NBAS: variants seen among roughly 807,000 people sequenced by gnomAD.
NBAS encodes the protein NBAS subunit of NRZ tethering complex, also known as NAG/BC035112 fusion.
NBAS carries 219 observed loss-of-function variants against 302.5 expected under a neutral mutation model. The observed-to-expected ratio is 0.72, with a 90% CI of 0.65 to 0.81. NBAS has a LOEUF of 0.81. Among genes scored for constraint, NBAS ranks in the 30% least tolerant of loss-of-function variants. The pLI is 0.00. For missense variants in NBAS, 2,932 were observed against 2,841.6 expected (o/e 1.03, Z -0.72); for synonymous variants, 1,118 against 1,021.6 (o/e 1.09, Z -1.80).
At chr2:14,818,166 G>C in the NBAS span, among the ~76,000 whole-genome samples, 1 of 152,002 alleles carries the variant, frequency 6.6e-6, no homozygotes, top group Non-Finnish European at 1.5e-5. Flanking sequence ...CCAGCACCAT[G>C]GAACCATGGT....
At chr2:14,827,015 C>A in the NBAS span, among the ~76,000 whole-genome samples, 3 of 152,140 alleles carry the variant, frequency 2.0e-5, no homozygotes, top group African/African-American at 7.2e-5. Flanking sequence ...CACATTGCAC[C>A]CAGAAGCAGG....
chr2:15,498,929 CTTTT>C (rs374067971), intron 11 of NBAS, among the ~76,000 whole-genome samples: 11 of 133,488 alleles, frequency 8.2e-5, no homozygotes, highest in Non-Finnish European at 1.1e-4. Context: ...CAGGGAGTTA[CTTTT>C]TTTTTTTTTT....
At chr2:14,831,378 A>G in the NBAS span, among the ~76,000 whole-genome samples, 2 of 152,198 alleles carry the variant, frequency 1.3e-5, no homozygotes, top group African/African-American at 2.4e-5. Context: ...AAAAAAGTAG[A>G]ATCCAGAAAA....
chr2:15,145,286 C>T, the NBAS span, among the ~76,000 whole-genome samples: 17 of 151,974 alleles, frequency 1.1e-4, no homozygotes, highest in African/African-American at 4.1e-4. Context: ...CTTGCTTTAA[C>T]TATTTTCCTC....
At chr2:14,916,280 T>A in the NBAS span, among the ~76,000 whole-genome samples, 3 of 152,084 alleles carry the variant, frequency 2.0e-5, no homozygotes, top group Non-Finnish European at 4.4e-5. Context: ...AAGCTTCAAT[T>A]AGAAGATCCC....
At chr2:15,405,918 A>G (rs1676385454) in intron 25 of NBAS, among the ~76,000 whole-genome samples, 2 of 152,120 alleles carry the variant, frequency 1.3e-5, no homozygotes, top group African/African-American at 4.8e-5. Flanking sequence ...ATTTAAGAAT[A>G]CATAAACTAA....
the NBAS span, among the ~76,000 whole-genome samples, chr2:14,950,957 C>T: frequency 6.6e-6 from 1 of 152,106 alleles, no homozygotes; most frequent in Non-Finnish European, 1.5e-5. Flanking sequence ...TCCATAAAGT[C>T]CCTGAGGGCT....
intron 44 of NBAS, among the ~76,000 whole-genome samples, chr2:15,272,104 C>T (rs1669351655): frequency 6.6e-6 from 1 of 152,166 alleles, no homozygotes; most frequent in South Asian, 2.1e-4. Flanking sequence ...AATGGAATGA[C>T]TGTTACCATG....
chr2:15,347,218 CAT>C (rs1327646642), intron 35 of NBAS, among the ~76,000 whole-genome samples: 4 of 152,176 alleles, frequency 2.6e-5, no homozygotes, highest in Non-Finnish European at 5.9e-5. Context: ...AAATGTAAAA[CAT>C]GTGCAGACAC....
intron 28 of NBAS, among the ~76,000 whole-genome samples, chr2:15,387,351 T>C (rs1049258050): frequency 5.9e-5 from 9 of 151,812 alleles, no homozygotes; most frequent in Non-Finnish European, 1.0e-4. Flanking sequence ...ACAGGCGTAA[T>C]GAATGTATGA....
At chr2:15,138,736 A>G in the NBAS span, among the ~76,000 whole-genome samples, 1 of 152,180 alleles carries the variant, frequency 6.6e-6, no homozygotes, top group Non-Finnish European at 1.5e-5. Flanking sequence ...TGCTCATTTC[A>G]TGGCTAATTT....
chr2:15,549,731 A>T (rs919064850), intron 6 of NBAS, among the ~76,000 whole-genome samples: 6 of 152,108 alleles, frequency 3.9e-5, no homozygotes, highest in Admixed American at 1.3e-4. Flanking sequence ...CTGTCTCAAA[A>T]AAATAAATAA....
intron 35 of NBAS, among the ~76,000 whole-genome samples, chr2:15,341,827 A>C (rs1672866987): frequency 6.6e-6 from 1 of 152,194 alleles, no homozygotes; most frequent in South Asian, 2.1e-4. Flanking sequence ...AAGCATGACA[A>C]TGAGCAAAGT....
the NBAS span, among the ~76,000 whole-genome samples, chr2:14,994,511 G>T: frequency 1.3e-5 from 2 of 152,096 alleles, no homozygotes; most frequent in African/African-American, 4.8e-5. Context: ...TAGGATATAT[G>T]GGATTCCAGA....
the NBAS span, among the ~76,000 whole-genome samples, chr2:14,900,989 C>G: frequency 7.9e-5 from 12 of 152,256 alleles, no homozygotes; most frequent in East Asian, 2.1e-3. Flanking sequence ...ACTTGAGGTC[C>G]ACAAGATAGG....
chr2:15,460,022 T>C (rs1308197903), intron 21 of NBAS, among the ~76,000 whole-genome samples: 11 of 25,660 alleles, frequency 4.3e-4, no homozygotes, highest in Non-Finnish European at 9.7e-4. Flanking sequence ...GCCAAATACA[T>C]AGTAATTACT....
chr2:14,995,220 T>C, the NBAS span, among the ~76,000 whole-genome samples: 10 of 151,718 alleles, frequency 6.6e-5, no homozygotes, highest in South Asian at 2.1e-4. Context: ...CTGCCCCCAC[T>C]CCACAACAGG....
chr2:15,350,213 T>C (rs1453110467), intron 35 of NBAS, among the ~76,000 whole-genome samples: 3 of 152,156 alleles, frequency 2.0e-5, no homozygotes, highest in Non-Finnish European at 2.9e-5. Context: ...TGAAGCTTTG[T>C]ACCAGAGTTC....
At chr2:15,481,405 G>A (rs1015011238) in intron 12 of NBAS, among the ~76,000 whole-genome samples, 15 of 152,240 alleles carry the variant, frequency 9.9e-5, no homozygotes, top group African/African-American at 2.6e-4. Context: ...GCCTCTATGC[G>A]TGAAGAGACT....
Sources: gnomAD v4.1 joint callset for allele counts (sites outside exome capture counted in the v4.1 genomes callset) on GRCh38, gnomAD v4.1.1 for gene constraint, MANE v1.5 for transcripts, NCBI Gene and HGNC (gene_info 2026-07-23, HGNC 2026-07-21) for gene names.